The following MST1R variants were observed in gnomAD, a reference collection of about 807,000 sequenced individuals.
The protein encoded by MST1R is macrophage stimulating 1 receptor, also known as macrophage-stimulating protein receptor.
MST1R carries 99 observed loss-of-function variants against 117.8 expected under a neutral mutation model. The ratio of observed to expected loss-of-function variants is 0.84; its 90% CI spans 0.71 to 0.99. The LOEUF (loss-of-function observed/expected upper bound fraction) is 0.99, where lower values mean the gene tolerates loss of function less well. MST1R is among the 50% of genes least tolerant of loss of function. The probability of loss-of-function intolerance (pLI) is 0.00; values close to 1 mark genes in which losing one functional copy is unlikely to be tolerated. For missense variants in MST1R, 1,683 were observed against 1,840.2 expected (o/e 0.91, Z 1.56); for synonymous variants, 734 against 765.3 (o/e 0.96, Z 0.68).
At position 49,903,795 on chromosome 3, in the gene MST1R, C is replaced by G; in HGVS notation, c.-186G>C. On this transcript the variant is annotated 5_prime_UTR_variant, in exon 1 of 20. Transcript: ENST00000296474. ...CCAAATCCCTTCCCGGCCCTCGGGT[C>G]TGAGCACCTGACGCCTGCGGACGCA... 1.3e-6 allele frequency: 1 copy of G among 756,956 alleles called. No homozygotes were observed. Among genetic ancestry groups the G allele is most frequent in the Non-Finnish European group, 2.0e-6 (1 of 491,296 alleles). The allele number at this position is 756,956 out of a possible 1,614,324, so 46.9% of individuals were successfully genotyped here.
At chr3:49,892,950 A>C (rs954527668) in intron 14 of MST1R, among the ~76,000 whole-genome samples, 2 of 141,466 alleles carry the variant, frequency 1.4e-5, no homozygotes, top group Non-Finnish European at 3.1e-5. Context: ...ATAGAGTGAG[A>C]CTCTGTCTCA....
chr3:49,899,448 AG>A, intron 1 of MST1R, 185 bp from the exon 2 acceptor site: 9 of 608,618 alleles, frequency 1.5e-5, no homozygotes, highest in Non-Finnish European at 2.3e-5. Flanking sequence ...TAGCAAGGGC[AG>A]GGAGAAGGCC....
rs2082575726 is a variant in MST1R at position 49,898,963 on chromosome 3, C to T, written c.1452G>A (p.Leu484=). Residue 484 remains leucine (L), a synonymous_variant, in exon 3 of 20, where the codon CTG becomes CTA. Coordinates refer to ENST00000296474, the MANE Select transcript of MST1R (RefSeq NM_002447.4). ...VELVRSLNYL[L]YVSNFSLGDS... is the part of the protein sequence containing the mutation. ...CACCCAGTGAGAAGTTGGACACATA[C>T]AGCAAGTAGTTTAGTGACCTGACCA... 1 of 1,614,190 alleles carries T rather than the reference C, an allele frequency of 6.2e-7. No homozygotes were observed. Among genetic ancestry groups the T allele is most frequent in the Non-Finnish European group, 8.5e-7 (1 of 1,180,048 alleles).
chr3:49,897,493 G>A, intron 6 of MST1R, 27 bp downstream of exon 6: 1 of 1,611,354 alleles, frequency 6.2e-7, no homozygotes, highest in Non-Finnish European at 8.5e-7. Context: ...ACTGGCCAAG[G>A]GCACAGACAG....
Position 49,890,038 on chromosome 3 carries a change from C to T in MST1R, c.3833G>A (p.Trp1278Ter). The T allele has an allele frequency of 6.2e-7, 1 of 1,609,542 alleles. No homozygotes were observed. Among genetic ancestry groups the T allele is most frequent in the Non-Finnish European group, 8.5e-7 (1 of 1,177,694 alleles). ...TGGGGCACCCCGTGTCAGCAGTTCC[C>T]ACAGCAGCACACCAAATGACCACTG... is the stretch of plus-strand genomic sequence containing the variant. ...SDVWSFGVLL[W>*]ELLTRGAPPY... The change falls in exon 19 of 20, where the codon TGG becomes TAG. Residue 1278 changes from tryptophan to a stop codon, truncating the protein, a stop_gained. Transcript: ENST00000296474. LOFTEE classifies it high-confidence loss of function.
In MST1R at chr3:49,889,934, G is replaced by A; in HGVS notation, c.3937C>T (p.Pro1313Ser). The change falls in exon 19 of 20, where the codon CCT becomes TCT. Residue 1313 changes from proline to serine, a missense_variant. Physicochemically the swap from Pro to Ser is moderately conservative, Grantham distance 74. Coordinates refer to ENST00000296474, the MANE Select transcript of MST1R (RefSeq NM_002447.4). ...CCTCCACATACTCACAGAGAATCAG[G>A]GCAATACTCAGGCTGGGGCAGGCGC... ...GRRLPQPEYC[P>S]DSLYQVMQQC... 6.2e-7 allele frequency: 1 copy of A among 1,614,126 alleles called. No individual in the cohort carries two copies. The highest frequency in any genetic ancestry group is 8.5e-7 in the Non-Finnish European group (1 of 1,180,002).
At chr3:49,892,032 C>T in intron 14 of MST1R, 194 bp from the exon 15 acceptor site, 1 of 410,490 alleles carries the variant, frequency 2.4e-6, no homozygotes, top group South Asian at 3.2e-5. Flanking sequence ...GGTGCAATCT[C>T]AACTCATTGC....
At chr3:49,900,534 T>C (rs547116327) in intron 1 of MST1R, among the ~76,000 whole-genome samples, 2 of 152,266 alleles carry the variant, frequency 1.3e-5, no homozygotes, top group South Asian at 4.1e-4. Context: ...CACTGATTAG[T>C]AGCCCTGGAG....
chr3:49,894,140 G>A (rs990299655), intron 14 of MST1R, among the ~76,000 whole-genome samples: 16 of 151,410 alleles, frequency 1.1e-4, no homozygotes, highest in Admixed American at 9.9e-4. Flanking sequence ...ACTTGAACCC[G>A]GGAGGAGGAG....
rs754405051 is a variant in MST1R at position 49,895,719 on chromosome 3, C to A, written c.2958G>T (p.Gln986His). The part of the protein sequence containing the change: ...LVFSYWWRRK[Q>H]LVLPPNLNDL... ...AGGTAGGAGCAGAGAACTCACCTAG[C>A]TGCTTCCTCCGCCACCAGTAGCTGA... The change falls in exon 12 of 20, where the codon CAG becomes CAT. Residue 986 changes from glutamine (Q) to histidine (H), a missense_variant. By Grantham distance (24) the Gln-to-His change is conservative. Transcript: ENST00000296474. 6.2e-7 allele frequency: 1 copy of A among 1,612,192 alleles called. No homozygotes were observed. The highest frequency in any genetic ancestry group is 8.5e-7 in the Non-Finnish European group (1 of 1,179,978).
intron 1 of MST1R, among the ~76,000 whole-genome samples, chr3:49,900,118 G>C (rs1162836732): frequency 1.3e-5 from 2 of 152,130 alleles, no homozygotes; most frequent in Non-Finnish European, 2.9e-5. Context: ...CACAAGGTTG[G>C]GGACATGGTC....
chr3:49,902,970 G>C lies in MST1R; in HGVS notation c.640C>G (p.Arg214Gly). 6.2e-7 allele frequency: 1 copy of C among 1,613,148 alleles called. No homozygotes were observed. The highest frequency in any genetic ancestry group is 2.2e-5 in the East Asian group (1 of 44,892). Residue 214 changes from arginine (R) to glycine (G), a missense_variant, in exon 1 of 20, where the codon CGC (arginine) becomes GGC (glycine). By Grantham distance (125) the Arg-to-Gly change is moderately radical. Coordinates refer to ENST00000296474, the MANE Select transcript of MST1R (RefSeq NM_002447.4). ...DAAVAASFSP[R>G]SVSIRRLKAD... Reference sequence around the variant, plus strand: ...TTGAGACGCCTGATAGACACTGAGCGTGGGCTGAAGCTGGCAGCCACGGCT... The same window carrying C: ...TTGAGACGCCTGATAGACACTGAGCCTGGGCTGAAGCTGGCAGCCACGGCT...
rs763246446 is a variant in MST1R, at chr3:49,897,350, C to T, written c.2113G>A (p.Glu705Lys). 1.9e-6 allele frequency: 3 copies of T among 1,613,996 alleles called. No individual in the cohort carries two copies. In the African/African-American group the frequency reaches 4.0e-5, roughly 21 times the overall value. The change falls in exon 7 of 20, where the codon GAA becomes AAA. Residue 705 changes from glutamate to lysine, a missense_variant. Glu to Lys is a moderately conservative substitution (Grantham distance 56, BLOSUM62 1). Transcript: ENST00000296474. ...PRAGGTCLTL[E>K]GQSLSVGTSR... ...GTGCCTACAGACAGACTCTGGCCTT[C>T]AAGAGTGAGACAGGTGCCTCCTGCC...
At position 49,903,792 on chromosome 3, in the gene MST1R, G is replaced by A. The variant is rs2082774595; in HGVS notation, c.-183C>T. ...AACCCAAATCCCTTCCCGGCCCTCGGGTCTGAGCACCTGACGCCTGCGGAC... is the reference window on the plus strand; with the variant it reads ...AACCCAAATCCCTTCCCGGCCCTCGAGTCTGAGCACCTGACGCCTGCGGAC... On this transcript the variant is annotated 5_prime_UTR_variant, in exon 1 of 20. Transcript: ENST00000296474. 1.2e-6 allele frequency: 1 copy of A among 803,092 alleles called. No individual in the cohort carries two copies. Among genetic ancestry groups the A allele is most frequent in the Non-Finnish European group, 1.9e-6 (1 of 532,094 alleles). 49.7% of individuals were successfully genotyped at this position (803,092 alleles called of 1,614,324 possible). A position where few individuals can be genotyped will look rare whatever the true frequency, so the allele number is the denominator to read the frequency against.
chr3:49,895,153 C>T lies in MST1R; in HGVS notation c.3271+14G>A, dbSNP rs372305300. On this transcript the variant is annotated intron_variant, in intron 14 of 19. Transcript: ENST00000296474. ...AGACTCCATCTCTGCCCCAGCCCCA[C>T]CTGGCCCCCACACCTTTGCCAATGA... The T allele has an allele frequency of 1.4e-5, 23 of 1,613,560 alleles. No individual in the cohort carries two copies. Among genetic ancestry groups the T allele is most frequent in the Middle Eastern group, 1.8e-4 (1 of 5,612 alleles).
intron 1 of MST1R, 74 bp downstream of exon 1, chr3:49,902,306 T>G (rs946799429): frequency 1.1e-5 from 16 of 1,506,620 alleles, no homozygotes; most frequent in Non-Finnish European, 1.3e-5. Flanking sequence ...ATCCCCTCAG[T>G]GATGGAAGGG....
At chr3:49,895,692 A>G (rs774108923) in intron 12 of MST1R, 23 bp downstream of exon 12, 89 of 1,612,170 alleles carry the variant, frequency 5.5e-5, no homozygotes, top group Middle Eastern at 1.6e-4. Flanking sequence ...GGGGCTGATT[A>G]AAGGTAGGAG....
chr3:49,895,593 G>A (rs746137031), intron 12 of MST1R, 45 bp from the exon 13 acceptor site: 2 of 1,612,516 alleles, frequency 1.2e-6, no homozygotes, highest in Non-Finnish European at 1.7e-6. Flanking sequence ...CAAGCTCCTA[G>A]GGGCCGACCC....
chr3:49,889,180 C>G (rs7627864), intron 19 of MST1R, among the ~76,000 whole-genome samples: 51,943 of 152,134 alleles, frequency 0.34, 9,459 homozygotes, highest in Non-Finnish European at 0.42. Context: ...TCCCTTGCCC[C>G]CAACCTCTCA....
Sources: gnomAD v4.1 joint callset for allele counts (sites outside exome capture counted in the v4.1 genomes callset) on GRCh38, gnomAD v4.1.1 for gene constraint, MANE v1.5 for transcripts, NCBI Gene and HGNC (gene_info 2026-07-23, HGNC 2026-07-21) for gene names.